TBC1D22A: variants seen among roughly 807,000 people sequenced by gnomAD.
TBC1D22A encodes TBC1 domain family member 22A.
TBC1D22A carries 38 observed loss-of-function variants against 60.2 expected under a neutral mutation model. The observed-to-expected ratio is 0.63, with a 90% CI of 0.49 to 0.83. The LOEUF (loss-of-function observed/expected upper bound fraction) is 0.83. Ranked by LOEUF, TBC1D22A falls within the 40% of genes least tolerant of loss-of-function variation. The pLI, the probability that TBC1D22A is intolerant of heterozygous loss-of-function variation, is 0.00. For synonymous variants in TBC1D22A, 302 were observed against 281.7 expected, an observed-to-expected ratio of 1.07 and a Z score of -0.72; for missense variants, 628 against 701.0, an observed-to-expected ratio of 0.90 and a Z score of 1.18.
chr22:47,101,874 C>T (rs1286153029), intron 11 of TBC1D22A, among the ~76,000 whole-genome samples: 1 of 152,220 alleles, frequency 6.6e-6, no homozygotes, highest in Non-Finnish European at 1.5e-5. Flanking sequence ...TGGCAGACAG[C>T]TGCCCTTGCT....
rs553469354 is a variant in TBC1D22A, at chr22:47,142,224, A to T, written c.1425+30621A>T. Among the ~76,000 whole-genome samples the T allele has an allele frequency of 2.5e-4, 23 of 90,536 alleles. No individual in the cohort carries two copies. In the South Asian group the frequency reaches 8.3e-3, roughly 33 times the overall value. 59.4% of individuals were successfully genotyped at this position (90,536 alleles called of 152,430 possible). On this transcript the variant is annotated intron_variant, in intron 12 of 12. Coordinates refer to ENST00000337137, the MANE Select transcript of TBC1D22A (RefSeq NM_014346.5). Reference sequence around the variant, plus strand: ...CACCCATCCATTCACCCACCCACCCATTCACCCACCAACCCATCCATCCAT... The same window carrying T: ...CACCCATCCATTCACCCACCCACCCTTTCACCCACCAACCCATCCATCCAT...
Position 47,157,639 on chromosome 22 carries a change from T to C in TBC1D22A, c.1426-15859T>C, listed in dbSNP as rs1483962483. Among the ~76,000 whole-genome samples, 5 of 152,230 alleles carry C rather than the reference T, an allele frequency of 3.3e-5. No individual in the cohort carries two copies. In the East Asian group the frequency reaches 9.6e-4, roughly 29 times the overall value. Reference sequence around the variant, plus strand: ...AGAGCGTGCCGTCGTGAGCTCCGTGTGGCCGTGCAGTTGCCCTTTCCGGTT... The same window carrying C: ...AGAGCGTGCCGTCGTGAGCTCCGTGCGGCCGTGCAGTTGCCCTTTCCGGTT... On this transcript the variant is annotated intron_variant, in intron 12 of 12. Transcript: ENST00000337137.
chr22:47,115,107 T>G (rs1267897808), intron 12 of TBC1D22A, among the ~76,000 whole-genome samples: 1 of 152,134 alleles, frequency 6.6e-6, no homozygotes, highest in East Asian at 1.9e-4. Context: ...ACTCTGGGCC[T>G]CCTGGCCCCT....
At chr22:46,791,385 C>G (rs1024237532) in intron 1 of TBC1D22A, among the ~76,000 whole-genome samples, 12 of 152,328 alleles carry the variant, frequency 7.9e-5, no homozygotes, top group Middle Eastern at 3.4e-3. Flanking sequence ...AAAGCTGTCA[C>G]AGCCCCATGC....
At chr22:47,032,442 T>G (rs538640992) in intron 10 of TBC1D22A, among the ~76,000 whole-genome samples, 2 of 152,292 alleles carry the variant, frequency 1.3e-5, no homozygotes, top group African/African-American at 4.8e-5. Flanking sequence ...CTGTGAGTGC[T>G]TGGTTGAGAG....
At chr22:47,019,179 A>C (rs1049213863) in intron 10 of TBC1D22A, among the ~76,000 whole-genome samples, 1 of 152,198 alleles carries the variant, frequency 6.6e-6, no homozygotes, top group African/African-American at 2.4e-5. Flanking sequence ...GTGGCCTCCC[A>C]GTGCGCTGGG....
chr22:46,862,876 C>T (rs2087980388), intron 4 of TBC1D22A, among the ~76,000 whole-genome samples: 1 of 152,166 alleles, frequency 6.6e-6, no homozygotes, highest in Non-Finnish European at 1.5e-5. Context: ...AGGGGACAGT[C>T]TCTTGAAGAG....
intron 4 of TBC1D22A, among the ~76,000 whole-genome samples, chr22:46,826,725 G>A (rs1282912217): frequency 6.6e-6 from 1 of 152,150 alleles, no homozygotes; most frequent in Non-Finnish European, 1.5e-5. Flanking sequence ...ACAAAGTGAA[G>A]TGTTGTACCC....
At chr22:46,947,442 C>A (rs1192049420) in intron 8 of TBC1D22A, among the ~76,000 whole-genome samples, 1 of 152,186 alleles carries the variant, frequency 6.6e-6, no homozygotes, top group Non-Finnish European at 1.5e-5. Context: ...TGAGACCCTT[C>A]AGTCCTCCAC....
chr22:46,790,207 G>T (rs528467683), intron 1 of TBC1D22A, among the ~76,000 whole-genome samples: 1 of 152,376 alleles, frequency 6.6e-6, no homozygotes, highest in Admixed American at 6.5e-5. Flanking sequence ...TCCAGCTCCA[G>T]GAAGCCGCCC....
At chr22:46,828,801 G>T (rs1048500840) in intron 4 of TBC1D22A, among the ~76,000 whole-genome samples, 1 of 152,172 alleles carries the variant, frequency 6.6e-6, no homozygotes, top group Non-Finnish European at 1.5e-5. Flanking sequence ...GCTCATCTCT[G>T]CTCTTCAGGT....
intron 1 of TBC1D22A, among the ~76,000 whole-genome samples, chr22:46,778,261 CT>C (rs2083786704): frequency 6.6e-6 from 1 of 151,906 alleles, no homozygotes; most frequent in Non-Finnish European, 1.5e-5. Flanking sequence ...ATAAACACAC[CT>C]TCTTTCTTCA....
chr22:46,765,582 C>T (rs1393289500), intron 1 of TBC1D22A, among the ~76,000 whole-genome samples: 1 of 151,920 alleles, frequency 6.6e-6, no homozygotes. Context: ...TCTCCTGTCT[C>T]AGCCTCCCAA....
At chr22:46,958,935 G>A (rs370660309) in intron 8 of TBC1D22A, among the ~76,000 whole-genome samples, 5 of 152,150 alleles carry the variant, frequency 3.3e-5, no homozygotes, top group African/African-American at 4.8e-5. Context: ...ATGTTTTCAC[G>A]ACACAATACA....
At chr22:47,037,394 C>T (rs1007940323) in intron 11 of TBC1D22A, among the ~76,000 whole-genome samples, 196 bp downstream of exon 11, 2 of 152,110 alleles carry the variant, frequency 1.3e-5, no homozygotes, top group Admixed American at 6.5e-5. Context: ...CTTTGGGAGG[C>T]CAAGGTGGGT....
chr22:47,111,220 AT>A (rs2065834341), intron 11 of TBC1D22A, among the ~76,000 whole-genome samples: 1 of 152,144 alleles, frequency 6.6e-6, no homozygotes, highest in Non-Finnish European at 1.5e-5. Flanking sequence ...CTTTTTGGCT[AT>A]TGTCTGCGCA....
At position 46,905,536 on chromosome 22, in the gene TBC1D22A, C is replaced by T. The variant is rs1203494233; in HGVS notation, c.901-6538C>T. On this transcript the variant is annotated intron_variant, in intron 7 of 12. Coordinates refer to ENST00000337137, the MANE Select transcript of TBC1D22A (RefSeq NM_014346.5). Reference sequence around the variant, plus strand: ...CATCCTTAGCTTCCAGCCCTGCAGCCGGCCCCGGGGAGGAGGGCACGGGGT... The same window carrying T: ...CATCCTTAGCTTCCAGCCCTGCAGCTGGCCCCGGGGAGGAGGGCACGGGGT... Among the ~76,000 whole-genome samples the T allele has an allele frequency of 5.3e-5, 8 of 152,226 alleles. No homozygotes were observed. In the East Asian group the frequency reaches 9.6e-4, roughly 18 times the overall value.
At chr22:47,029,064 C>T (rs1218774882) in intron 10 of TBC1D22A, among the ~76,000 whole-genome samples, 1 of 152,190 alleles carries the variant, frequency 6.6e-6, no homozygotes, top group Non-Finnish European at 1.5e-5. Flanking sequence ...GCTCATGGGA[C>T]TCAAGAAAGC....
chr22:47,127,120 T>C (rs1259365927), intron 12 of TBC1D22A, among the ~76,000 whole-genome samples: 1 of 152,144 alleles, frequency 6.6e-6, no homozygotes, highest in African/African-American at 2.4e-5. Flanking sequence ...AAACACTCTT[T>C]CTCTCTTTGC....
Sources: gnomAD v4.1 joint callset for allele counts (sites outside exome capture counted in the v4.1 genomes callset) on GRCh38, gnomAD v4.1.1 for gene constraint, MANE v1.5 for transcripts, NCBI Gene and HGNC (gene_info 2026-07-23, HGNC 2026-07-21) for gene names.